Variants in ZBTB20 observed in about 807,000 individuals in gnomAD.
ZBTB20 encodes the protein zinc finger and BTB domain containing 20.
ZBTB20 carries 9 observed loss-of-function variants against 56.9 expected under a neutral mutation model. The ratio of observed to expected loss-of-function variants is 0.16; its 90% CI spans 0.10 to 0.28. ZBTB20 has a LOEUF of 0.28. Among genes scored for constraint, ZBTB20 ranks in the 10% least tolerant of loss-of-function variants. The pLI is 1.00. For missense variants in ZBTB20, 655 were observed against 1,003.0 expected, an observed-to-expected ratio of 0.65 and a Z score of 4.69; for synonymous variants, 417 against 420.7, an observed-to-expected ratio of 0.99 and a Z score of 0.11.
intron 7 of ZBTB20, among the ~76,000 whole-genome samples, chr3:114,473,969 G>C (rs901253407): frequency 3.9e-5 from 6 of 152,214 alleles, no homozygotes; most frequent in African/African-American, 1.4e-4. Context: ...CCATGTGGCT[G>C]GAGAGGCCTC....
At chr3:114,885,196 C>T (rs982399947) in intron 4 of ZBTB20, among the ~76,000 whole-genome samples, 2 of 152,150 alleles carry the variant, frequency 1.3e-5, no homozygotes, top group Non-Finnish European at 2.9e-5. Context: ...TGACAGAACA[C>T]TCCTCCCTTG....
intron 6 of ZBTB20, among the ~76,000 whole-genome samples, chr3:114,651,511 G>C (rs1578164555): frequency 1.1e-5 from 1 of 95,054 alleles, no homozygotes. Flanking sequence ...TAAAAGTATA[G>C]AGAAATCCAG....
chr3:115,137,988 T>A (rs1183743388), intron 1 of ZBTB20, among the ~76,000 whole-genome samples: 1 of 152,050 alleles, frequency 6.6e-6, no homozygotes, highest in Admixed American at 6.6e-5. Flanking sequence ...TTTTCGAAAC[T>A]CTCAGTGACC....
intron 6 of ZBTB20, among the ~76,000 whole-genome samples, chr3:114,573,329 A>T (rs2053638814): frequency 6.6e-6 from 1 of 151,866 alleles, no homozygotes; most frequent in South Asian, 2.1e-4. Flanking sequence ...GCTTGGTGGC[A>T]CGCCCCTGTA....
intron 4 of ZBTB20, among the ~76,000 whole-genome samples, chr3:114,801,396 A>G (rs1419949277): frequency 6.7e-6 from 1 of 150,332 alleles, no homozygotes; most frequent in Non-Finnish European, 1.5e-5. Context: ...AAGGATCTAA[A>G]GAGGAGAAAA....
chr3:114,567,773 A>G (rs968840347), intron 6 of ZBTB20, among the ~76,000 whole-genome samples: 1 of 152,140 alleles, frequency 6.6e-6, no homozygotes, highest in Non-Finnish European at 1.5e-5. Context: ...ACAACCAATG[A>G]GGTTAAAATC....
chr3:114,970,127 A>G (rs538514110), intron 3 of ZBTB20, among the ~76,000 whole-genome samples: 1 of 152,190 alleles, frequency 6.6e-6, no homozygotes, highest in Non-Finnish European at 1.5e-5. Flanking sequence ...TGTGTACTTA[A>G]TTCTTTTTTT....
chr3:114,947,351 A>G (rs1395012007), intron 3 of ZBTB20, among the ~76,000 whole-genome samples: 1 of 146,410 alleles, frequency 6.8e-6, no homozygotes, highest in Non-Finnish European at 1.5e-5. Context: ...AAATATACTT[A>G]CACTCATATG....
chr3:114,528,744 T>C (rs2047511011), intron 6 of ZBTB20: 1 of 152,174 alleles, frequency 6.6e-6, no homozygotes, highest in African/African-American at 2.4e-5. Context: ...ACTTCTGAAA[T>C]GGGAGGGTTT....
chr3:115,121,309 C>A (rs1306158448), intron 1 of ZBTB20, among the ~76,000 whole-genome samples: 6 of 151,986 alleles, frequency 3.9e-5, no homozygotes, highest in Admixed American at 6.5e-5. Flanking sequence ...TTGTACCCAT[C>A]ATTCAATTTC....
chr3:114,356,767 T>G (rs1320869703), intron 10 of ZBTB20, among the ~76,000 whole-genome samples: 1 of 148,158 alleles, frequency 6.7e-6, no homozygotes, highest in African/African-American at 2.4e-5. Context: ...TTCAGTTACA[T>G]GTACTTTACC....
intron 7 of ZBTB20, among the ~76,000 whole-genome samples, chr3:114,460,808 C>T (rs1413720777): frequency 2.0e-5 from 3 of 152,170 alleles, no homozygotes; most frequent in South Asian, 2.1e-4. Flanking sequence ...TGAAATATTT[C>T]TTAGCTCTTT....
At chr3:114,576,713 A>C (rs2054098991) in intron 6 of ZBTB20, among the ~76,000 whole-genome samples, 1 of 151,702 alleles carries the variant, frequency 6.6e-6, no homozygotes, top group African/African-American at 2.4e-5. Flanking sequence ...AGTGATTATT[A>C]CCGAAAGAAT....
At chr3:114,707,901 G>A (rs2063813843) in intron 5 of ZBTB20, among the ~76,000 whole-genome samples, 1 of 152,150 alleles carries the variant, frequency 6.6e-6, no homozygotes, top group African/African-American at 2.4e-5. Flanking sequence ...TAACCACAGG[G>A]CATTGTCCTA....
chr3:114,790,932 T>C (rs1216115068), intron 5 of ZBTB20, among the ~76,000 whole-genome samples: 1 of 152,144 alleles, frequency 6.6e-6, no homozygotes, highest in Admixed American at 6.6e-5. Flanking sequence ...AAGACTTCCC[T>C]ATATGATGAC....
intron 1 of ZBTB20, among the ~76,000 whole-genome samples, chr3:115,114,649 TATAG>T (rs1452229135): frequency 6.6e-6 from 1 of 152,124 alleles, no homozygotes; most frequent in Non-Finnish European, 1.5e-5. Flanking sequence ...TTTCAATGTA[TATAG>T]AAACTAGTTT....
chr3:114,579,069 G>A (rs1324592559), intron 6 of ZBTB20, among the ~76,000 whole-genome samples: 11 of 151,594 alleles, frequency 7.3e-5, no homozygotes, highest in Non-Finnish European at 1.5e-4. Flanking sequence ...CTAAAAGGTC[G>A]ATTTTATATT....
chr3:114,412,870 A>T (rs1274338830), intron 7 of ZBTB20, among the ~76,000 whole-genome samples: 1 of 152,166 alleles, frequency 6.6e-6, no homozygotes, highest in Admixed American at 6.5e-5. Context: ...AAACGGAATC[A>T]CATCTTTTTG....
intron 1 of ZBTB20, among the ~76,000 whole-genome samples, chr3:115,097,430 C>T (rs1201998931): frequency 6.6e-6 from 1 of 152,052 alleles, no homozygotes. Flanking sequence ...GATCTGCCCG[C>T]CTCGGCCTCC....
Sources: gnomAD v4.1 joint callset for allele counts (sites outside exome capture counted in the v4.1 genomes callset) on GRCh38, gnomAD v4.1.1 for gene constraint, MANE v1.5 for transcripts, NCBI Gene and HGNC (gene_info 2026-07-23, HGNC 2026-07-21) for gene names.